Variants in RYR1 observed in about 807,000 individuals in gnomAD.
The protein encoded by RYR1 is ryanodine receptor 1.
In RYR1, 342 loss-of-function variants were observed where a neutral mutation model predicts 583.5. That is an observed-to-expected ratio of 0.59 (90% CI 0.54 to 0.64). The LOEUF (loss-of-function observed/expected upper bound fraction) is 0.64, where lower values mean the gene tolerates loss of function less well. Ranked by LOEUF, RYR1 falls within the 30% of genes least tolerant of loss-of-function variation. The pLI is 0.00. For synonymous variants in RYR1, 2,791 were observed against 2,822.5 expected (o/e 0.99, Z 0.35); for missense variants, 6,032 against 6,917.2 (o/e 0.87, Z 4.54).
intron 82 of RYR1, 49 bp downstream of exon 82, chr19:38,536,119 G>A: frequency 6.6e-7 from 1 of 1,517,988 alleles, no homozygotes; most frequent in Non-Finnish European, 8.9e-7. Context: ...CTTCCTTTGG[G>A]ATTCCTCCCA....
At chr19:38,476,717 G>A (rs976011932) in intron 29 of RYR1, among the ~76,000 whole-genome samples, 4 of 152,190 alleles carry the variant, frequency 2.6e-5, no homozygotes, top group Non-Finnish European at 4.4e-5. Flanking sequence ...CCCTGGCCTC[G>A]AGATTAGATC....
At chr19:38,548,197 T>C in intron 88 of RYR1, 36 bp from the exon 89 acceptor site, 1 of 1,612,498 alleles carries the variant, frequency 6.2e-7, no homozygotes, top group South Asian at 1.1e-5. Context: ...CAGAAGGGAG[T>C]GTTCACCGGC....
intron 2 of RYR1, among the ~76,000 whole-genome samples, chr19:38,441,127 A>C (rs916378951): frequency 2.0e-5 from 3 of 150,642 alleles, no homozygotes; most frequent in African/African-American, 7.3e-5. Context: ...GCTGATCCAG[A>C]ACGTTCCTTG....
chr19:38,478,180 C>T (rs1165827581), intron 30 of RYR1, among the ~76,000 whole-genome samples: 1 of 152,014 alleles, frequency 6.6e-6, no homozygotes, highest in East Asian at 1.9e-4. Flanking sequence ...ATTCTCTCTC[C>T]TCCTGCTTCC....
chr19:38,464,807 TGTGGGGAGGCTGAG>T, intron 23 of RYR1, 85 bp downstream of exon 23: 1 of 1,242,152 alleles, frequency 8.1e-7, no homozygotes, highest in Non-Finnish European at 1.2e-6. Context: ...CGAGGGGTCT[TGTGGGGAGGCTGAG>T]GTTAGGGAGG....
chr19:38,586,770 A>C (rs1393679171), intron 105 of RYR1, among the ~76,000 whole-genome samples, 194 bp downstream of exon 105: 2 of 152,196 alleles, frequency 1.3e-5, no homozygotes, highest in African/African-American at 4.8e-5. Flanking sequence ...CAGGAGTTCA[A>C]GACCAGCCTG....
chr19:38,484,547 G>A (rs1969186947), intron 33 of RYR1, among the ~76,000 whole-genome samples: 1 of 151,722 alleles, frequency 6.6e-6, no homozygotes, highest in Admixed American at 6.6e-5. Flanking sequence ...CCAGGCTGGA[G>A]ACACCAAGCC....
chr19:38,581,423 G>A (rs1373745865), intron 101 of RYR1, among the ~76,000 whole-genome samples: 2 of 152,086 alleles, frequency 1.3e-5, no homozygotes, highest in African/African-American at 4.8e-5. Flanking sequence ...TGTTGGCCAG[G>A]ATGGTCTCCA....
Position 38,577,828 on chromosome 19 carries a change from A to T in RYR1, c.14173-90A>T. 7 of 1,560,998 alleles carry T rather than the reference A, an allele frequency of 4.5e-6. No homozygotes were observed. The South Asian group carries it at 7.8e-5, about 18-fold the overall frequency. Reference sequence around the variant, plus strand: ...AATGCACCTCCCATTTCTCACTCAGAGTTTGGAGTGTCCCCAGAACCCCCT... The same window carrying T: ...AATGCACCTCCCATTTCTCACTCAGTGTTTGGAGTGTCCCCAGAACCCCCT... On this transcript the variant is annotated intron_variant, in intron 97 of 105. Coordinates refer to ENST00000359596, the MANE Select transcript of RYR1 (RefSeq NM_000540.3).
At chr19:38,521,769 C>T (rs1971236576) in intron 67 of RYR1, among the ~76,000 whole-genome samples, 3 of 142,946 alleles carry the variant, frequency 2.1e-5, no homozygotes, top group African/African-American at 5.2e-5. Context: ...TGCAGTGGTG[C>T]GATCTCTGCT....
At chr19:38,564,237 TAGC>T (rs368470890) in intron 90 of RYR1, among the ~76,000 whole-genome samples, 118 of 151,926 alleles carry the variant, frequency 7.8e-4, no homozygotes, top group African/African-American at 2.7e-3. Flanking sequence ...TTTTAGAAAT[TAGC>T]AGGCCAGTCA....
In RYR1 at chr19:38,463,155, C is replaced by CA. The variant is rs1555772008; in HGVS notation, c.2578-267dup. 2.8e-4 allele frequency among the ~76,000 whole-genome samples: 23 copies of CA among 82,598 alleles called. 2 individuals carry two copies. Among genetic ancestry groups the CA allele is most frequent in the African/African-American group, 6.8e-4 (14 of 20,612 alleles). 54.2% of individuals were successfully genotyped at this position (82,598 alleles called of 152,430 possible). On this transcript the variant is annotated intron_variant, in intron 20 of 105. Transcript: ENST00000359596. ...TCAGGCGATCTGCCCCCCCCCCCCC[C>CA]ACTTAGCCTCCCAAAGTGCTGGGAT...
chr19:38,466,422 G>A lies in RYR1; in HGVS notation c.3178+24G>A, dbSNP rs776578254. On this transcript the variant is annotated intron_variant, in intron 24 of 105. Coordinates refer to ENST00000359596, the MANE Select transcript of RYR1 (RefSeq NM_000540.3). ...CAGTGAGTGCTCACCCCTGGCCCTG[G>A]CCCTGACTCCTACCCCAACTCTGAC... 29 of 1,539,574 alleles carry A rather than the reference G, an allele frequency of 1.9e-5. No individual in the cohort carries two copies. In the South Asian group the frequency reaches 3.5e-4, roughly 18 times the overall value.
chr19:38,435,271 T>C (rs1334155272), intron 1 of RYR1, among the ~76,000 whole-genome samples: 1 of 152,220 alleles, frequency 6.6e-6, no homozygotes, highest in African/African-American at 2.4e-5. Flanking sequence ...AAGTGGCATC[T>C]CTGGATGCCC....
At chr19:38,434,571 C>G (rs1972341484) in intron 1 of RYR1, among the ~76,000 whole-genome samples, 1 of 152,166 alleles carries the variant, frequency 6.6e-6, no homozygotes, top group Non-Finnish European at 1.5e-5. Context: ...TTCGCTGTCT[C>G]TCTAGCTGGG....
intron 19 of RYR1, 89 bp from the exon 20 acceptor site, chr19:38,460,286 A>G (rs1967655286): frequency 8.2e-7 from 1 of 1,225,588 alleles, no homozygotes; most frequent in South Asian, 1.2e-5. Flanking sequence ...CTTTCCATTG[A>G]TCCCAGGACT....
At chr19:38,527,086 A>T (rs768320064) in intron 72 of RYR1, 34 bp downstream of exon 72, 4 of 1,608,738 alleles carry the variant, frequency 2.5e-6, no homozygotes, top group Non-Finnish European at 3.4e-6. Flanking sequence ...AAAAGAAGCA[A>T]GTCAGAAAGT....
chr19:38,572,987 C>T (rs1198927483), intron 95 of RYR1, among the ~76,000 whole-genome samples, 190 bp from the exon 96 acceptor site: 1 of 151,876 alleles, frequency 6.6e-6, no homozygotes, highest in South Asian at 2.1e-4. Flanking sequence ...CTGCCCTGAC[C>T]CCTCTGCCCA....
intron 61 of RYR1, 141 bp from the exon 62 acceptor site, chr19:38,511,931 T>C: frequency 2.0e-6 from 2 of 1,002,166 alleles, no homozygotes; most frequent in South Asian, 1.4e-5. Context: ...TGTAGGAGTC[T>C]GGGGGGGTGG....
Sources: allele counts gnomAD v4.1 joint callset (sites outside exome capture counted in the v4.1 genomes callset), GRCh38; gene constraint gnomAD v4.1.1; transcripts MANE v1.5; gene names NCBI Gene and HGNC (gene_info 2026-07-23, HGNC 2026-07-21).